SGCD: variants seen among roughly 807,000 people sequenced by gnomAD.
SGCD encodes the protein delta-sarcoglycan.
Under a neutral mutation model 36.6 loss-of-function variants are expected in SGCD, and 18 were observed. The ratio of observed to expected loss-of-function variants is 0.49; its 90% CI spans 0.34 to 0.73. The LOEUF is 0.73. Among genes scored for constraint, SGCD ranks in the 30% least tolerant of loss-of-function variants. The pLI, the probability that SGCD is intolerant of heterozygous loss-of-function variation, is 0.01. For missense variants in SGCD, 387 were observed against 346.7 expected (o/e 1.12, Z -0.92); for synonymous variants, 133 against 130.6 (o/e 1.02, Z -0.12).
At chr5:156,376,645 G>T (rs1185988109) in intron 3 of SGCD, among the ~76,000 whole-genome samples, 1 of 152,034 alleles carries the variant, frequency 6.6e-6, no homozygotes, top group Non-Finnish European at 1.5e-5. Context: ...TGGTTTATGT[G>T]CATCAGATTT....
chr5:156,233,396 G>A lies in SGCD; in HGVS notation c.-43-96138G>A, dbSNP rs567891963. 1.1e-4 allele frequency among the ~76,000 whole-genome samples: 17 copies of A among 152,308 alleles called. No homozygotes were observed. The South Asian group carries it at 3.1e-3, about 28-fold the overall frequency. On this transcript the variant is annotated intron_variant, in intron 3 of 9. Transcript: ENST00000517913. The stretch of plus-strand genomic sequence containing the variant: ...TTGCCTGTTGGTTATTCTTCATATG[G>A]ATTGCCACTTACTTTGACTAAATCT...
chr5:155,869,308 ATAT>A (rs1755585578), upstream of SGCD, among the ~76,000 whole-genome samples: 2 of 152,260 alleles, frequency 1.3e-5, no homozygotes, highest in African/African-American at 2.4e-5. Context: ...AGGTTCAAAG[ATAT>A]TGTTGTATGA....
chr5:156,597,295 A>G (rs1309365379), intron 6 of SGCD, among the ~76,000 whole-genome samples: 1 of 152,088 alleles, frequency 6.6e-6, no homozygotes, highest in Non-Finnish European at 1.5e-5. Flanking sequence ...GTCTGTTCTC[A>G]CCCTGCTAAT....
At chr5:156,298,320 AATTTTTTAG>A (rs1161682517) in intron 3 of SGCD, among the ~76,000 whole-genome samples, 2 of 152,100 alleles carry the variant, frequency 1.3e-5, no homozygotes, top group African/African-American at 4.8e-5. Context: ...TAGATCTTTA[AATTTTTTAG>A]GAACATCCAT....
At chr5:156,283,807 C>T (rs1267758236) in intron 3 of SGCD, among the ~76,000 whole-genome samples, 1 of 152,166 alleles carries the variant, frequency 6.6e-6, no homozygotes, top group Non-Finnish European at 1.5e-5. Flanking sequence ...TGGCAGACCA[C>T]ACGTTGAGAA....
At chr5:156,280,297 G>A (rs905242962) in intron 3 of SGCD, among the ~76,000 whole-genome samples, 1 of 152,124 alleles carries the variant, frequency 6.6e-6, no homozygotes, top group Non-Finnish European at 1.5e-5. Flanking sequence ...GGTATCCAAT[G>A]CCATTATCAC....
At chr5:156,443,679 A>G (rs1753604475) in intron 3 of SGCD, among the ~76,000 whole-genome samples, 1 of 152,128 alleles carries the variant, frequency 6.6e-6, no homozygotes, top group Admixed American at 6.6e-5. Context: ...CTCATATCCG[A>G]CACTAACTTG....
At chr5:156,427,226 T>C (rs577000366) in intron 3 of SGCD, among the ~76,000 whole-genome samples, 4 of 152,298 alleles carry the variant, frequency 2.6e-5, no homozygotes, top group African/African-American at 9.6e-5. Flanking sequence ...CTTTAAGCAA[T>C]GTTTTGTAAT....
At chr5:155,860,086 C>T in the SGCD span, among the ~76,000 whole-genome samples, 1 of 152,180 alleles carries the variant, frequency 6.6e-6, no homozygotes, top group Non-Finnish European at 1.5e-5. Flanking sequence ...AGAGAGAGAA[C>T]AATTTACTTG....
At chr5:155,893,113 C>A (rs970132546) in intron 1 of SGCD, among the ~76,000 whole-genome samples, 10 of 152,096 alleles carry the variant, frequency 6.6e-5, no homozygotes, top group African/African-American at 2.4e-4. Context: ...GTTAGAAGAG[C>A]AGATTCTAAA....
chr5:156,704,575 TG>T (rs1252775363), intron 7 of SGCD, among the ~76,000 whole-genome samples: 2 of 152,208 alleles, frequency 1.3e-5, no homozygotes, highest in African/African-American at 4.8e-5. Flanking sequence ...GATGCCTATT[TG>T]CCTAAAGATA....
intron 1 of SGCD, among the ~76,000 whole-genome samples, chr5:156,079,549 G>A (rs1760892759): frequency 6.6e-6 from 1 of 152,138 alleles, no homozygotes; most frequent in South Asian, 2.1e-4. Context: ...ATACAATGAG[G>A]GTAAAGACAT....
intron 1 of SGCD, among the ~76,000 whole-genome samples, chr5:155,882,339 G>A (rs244985): frequency 0.54 from 82,175 of 151,760 alleles, 23,805 homozygotes; most frequent in African/African-American, 0.75. Flanking sequence ...TTGGCCTCCC[G>A]AAGATCTGAG....
At chr5:155,861,445 G>C in the SGCD span, among the ~76,000 whole-genome samples, 1 of 152,128 alleles carries the variant, frequency 6.6e-6, no homozygotes, top group South Asian at 2.1e-4. Context: ...GCTCACTCCT[G>C]TAATCCCAGT....
At chr5:156,715,223 T>C (rs1384705967) in intron 7 of SGCD, among the ~76,000 whole-genome samples, 1 of 152,208 alleles carries the variant, frequency 6.6e-6, no homozygotes, top group African/African-American at 2.4e-5. Flanking sequence ...ATAGGTAAGA[T>C]GAATAATGAT....
chr5:156,545,044 G>A (rs1310428474), intron 4 of SGCD, among the ~76,000 whole-genome samples: 1 of 152,166 alleles, frequency 6.6e-6, no homozygotes, highest in South Asian at 2.1e-4. Context: ...TGACTGTTCA[G>A]TGAAGAGGTT....
chr5:156,278,499 A>G (rs563049988), intron 3 of SGCD, among the ~76,000 whole-genome samples: 1 of 152,302 alleles, frequency 6.6e-6, no homozygotes, highest in South Asian at 2.1e-4. Flanking sequence ...GTTCAACTCA[A>G]GATAATTGTT....
the SGCD span, among the ~76,000 whole-genome samples, chr5:155,749,109 A>C: frequency 6.6e-6 from 1 of 152,240 alleles, no homozygotes; most frequent in Admixed American, 6.5e-5. Context: ...TAATGATTCA[A>C]ATAAGTGATA....
chr5:155,953,250 C>G (rs1420405634), intron 1 of SGCD, among the ~76,000 whole-genome samples: 1 of 152,102 alleles, frequency 6.6e-6, no homozygotes, highest in Non-Finnish European at 1.5e-5. Flanking sequence ...ACTTAATACC[C>G]TCCTCTGTTT....
Sources: gnomAD v4.1 joint callset for allele counts (sites outside exome capture counted in the v4.1 genomes callset) on GRCh38, gnomAD v4.1.1 for gene constraint, MANE v1.5 for transcripts, NCBI Gene and HGNC (gene_info 2026-07-23, HGNC 2026-07-21) for gene names.